PEBP1: variants seen among roughly 807,000 people sequenced by gnomAD.
PEBP1 encodes phosphatidylethanolamine-binding protein 1.
Under a neutral mutation model 22.7 loss-of-function variants are expected in PEBP1, and 17 were observed. That is an observed-to-expected ratio of 0.75 (90% confidence interval 0.51 to 1.12). PEBP1 has a LOEUF of 1.12. Ranked by LOEUF, PEBP1 falls within the 50% of genes most tolerant of loss-of-function variation. PEBP1 has a pLI of 0.00. For synonymous variants in PEBP1, 106 were observed against 104.3 expected (o/e 1.02, Z -0.10); for missense variants, 205 against 243.5 (o/e 0.84, Z 1.05).
At chr12:118,141,055 T>A (rs966780431) in intron 3 of PEBP1, among the ~76,000 whole-genome samples, 5 of 152,040 alleles carry the variant, frequency 3.3e-5, no homozygotes, top group African/African-American at 1.2e-4. Flanking sequence ...TGTGACCTTT[T>A]TACTTAAATT....
rs2034081805 is a variant in PEBP1, at chr12:118,138,033, A to G, written c.136-6A>G. ...TTTTTTACTGCAAACTGGTTCCTTC[A>G]TACAGGTTAAGAATAGACCCACCAG... On this transcript the variant is annotated splice_polypyrimidine_tract_variant and splice_region_variant and intron_variant, in intron 1 of 3. Transcript: ENST00000261313. 6.2e-7 allele frequency: 1 copy of G among 1,604,350 alleles called. No homozygotes were observed. The highest frequency in any genetic ancestry group is 8.5e-7 in the Non-Finnish European group (1 of 1,172,110).
At position 118,138,056 on chromosome 12, in the gene PEBP1, C is replaced by T; in HGVS notation, c.153C>T (p.Thr51=). 6.2e-7 allele frequency: 1 copy of T among 1,612,938 alleles called. No individual in the cohort carries two copies. Among genetic ancestry groups the T allele is most frequent in the Non-Finnish European group, 8.5e-7 (1 of 1,179,178 alleles). Residue 51 remains threonine (T), a synonymous_variant, in exon 2 of 4, where the codon ACC becomes ACT. Transcript: ENST00000261313. ...LTPTQVKNRP[T]SISWDGLDSG... is the part of the protein sequence containing the mutation. ...TCATACAGGTTAAGAATAGACCCAC[C>T]AGCATTTCGTGGGATGGTCTTGATT...
Position 118,136,367 on chromosome 12 carries a change from A to G in PEBP1, c.135+23A>G, listed in dbSNP as rs907856465. On this transcript the variant is annotated intron_variant, in intron 1 of 3. Coordinates refer to ENST00000261313, the MANE Select transcript of PEBP1 (RefSeq NM_002567.4). The surrounding 1 kb of genome is among the most constrained non-coding windows in gnomAD (Gnocchi z 5.6). ...CAGGTACACCGGGCGGCGGGCGTGC[A>G]GCGAGCGGCACGGCGCGGAGGCCTG... 1 of 1,533,360 alleles carries G rather than the reference A, an allele frequency of 6.5e-7. No individual in the cohort carries two copies. Among genetic ancestry groups the G allele is most frequent in the South Asian group, 1.2e-5 (1 of 83,186 alleles). The allele number at this position is 1,533,360 out of a possible 1,614,324, so 95.0% of individuals were successfully genotyped here.
intron 3 of PEBP1, among the ~76,000 whole-genome samples, chr12:118,143,735 AAAAAC>A (rs951330357): frequency 7.9e-5 from 12 of 152,106 alleles, no homozygotes; most frequent in Admixed American, 3.9e-4. Flanking sequence ...CTAAAAATAC[AAAAAC>A]AAAACAAAAC....
At chr12:118,143,666 G>A (rs1472453886) in intron 3 of PEBP1, among the ~76,000 whole-genome samples, 2 of 152,132 alleles carry the variant, frequency 1.3e-5, no homozygotes, top group Non-Finnish European at 2.9e-5. Context: ...TTGGGAGGGC[G>A]AGATGGGTGG....
intron 2 of PEBP1, 137 bp from the exon 3 acceptor site, chr12:118,139,311 CAAA>C (rs35893505): frequency 0.03 from 13,153 of 436,370 alleles, no homozygotes; most frequent in Middle Eastern, 0.054. Context: ...GACTCTGTCT[CAAA>C]AAAAAAAAAA....
intron 2 of PEBP1, chr12:118,139,122 G>A: frequency 3.2e-6 from 1 of 311,324 alleles, no homozygotes; most frequent in South Asian, 2.5e-5. Flanking sequence ...AGACCAGTCT[G>A]GCCAACATGG....
chr12:118,139,414 C>G (rs776586019), intron 2 of PEBP1, 37 bp from the exon 3 acceptor site: 1 of 1,429,750 alleles, frequency 7.0e-7, no homozygotes, highest in African/African-American at 1.4e-5. Flanking sequence ...GTTCCCTGAT[C>G]TCCTGTGGTG....
chr12:118,145,310 A>C lies in PEBP1; in HGVS notation c.*507A>C. 3.3e-6 allele frequency: 1 copy of C among 298,942 alleles called. No individual in the cohort carries two copies. The highest frequency in any genetic ancestry group is 3.0e-5 in the South Asian group (1 of 32,962). 18.5% of individuals were successfully genotyped at this position (298,942 alleles called of 1,614,324 possible). On this transcript the variant is annotated 3_prime_UTR_variant, in exon 4 of 4. Coordinates refer to ENST00000261313, the MANE Select transcript of PEBP1 (RefSeq NM_002567.4). Reference sequence around the variant, plus strand: ...TTGAGGCTAACCTCCAACACAGTGCATCTCAGATGCCTCAGTAGGCATCAG... The same window carrying C: ...TTGAGGCTAACCTCCAACACAGTGCCTCTCAGATGCCTCAGTAGGCATCAG...
Position 118,136,128 on chromosome 12 carries a change from T to G in PEBP1, c.-82T>G. The G allele has an allele frequency of 2.0e-6, 3 of 1,496,844 alleles. No individual in the cohort carries two copies. Among genetic ancestry groups the G allele is most frequent in the East Asian group, 2.5e-5 (1 of 40,080 alleles). 92.7% of individuals were successfully genotyped at this position (1,496,844 alleles called of 1,614,324 possible). On this transcript the variant is annotated 5_prime_UTR_variant, in exon 1 of 4. Transcript: ENST00000261313. This position sits in a 1 kb window ranked among gnomAD's most constrained non-coding sequence, Gnocchi z 5.6. ...GGGTCTGCGTCTTCCCGAGCCAGTG[T>G]GCTGAGCTCTCCGCGTCGCCTCTGT... is the stretch of plus-strand genomic sequence containing the variant.
At chr12:118,143,917 A>AC (rs935629592) in intron 3 of PEBP1, among the ~76,000 whole-genome samples, 3 of 151,682 alleles carry the variant, frequency 2.0e-5, no homozygotes, top group Non-Finnish European at 2.9e-5. Flanking sequence ...AAAAAAAAAA[A>AC]AAAACCCACT....
chr12:118,141,246 A>G (rs917608766), intron 3 of PEBP1, among the ~76,000 whole-genome samples: 2 of 151,806 alleles, frequency 1.3e-5, no homozygotes, highest in African/African-American at 4.8e-5. Context: ...CCTCCTGAGT[A>G]GCTGGGATGA....
At chr12:118,140,022 A>AT (rs2034101147) in intron 3 of PEBP1, among the ~76,000 whole-genome samples, 1 of 152,202 alleles carries the variant, frequency 6.6e-6, no homozygotes, top group African/African-American at 2.4e-5. Flanking sequence ...TTGAAAACAG[A>AT]TTTGGAAGAC....
intron 2 of PEBP1, chr12:118,139,199 G>C (rs776024907): frequency 1.4e-5 from 5 of 356,828 alleles, no homozygotes; most frequent in Non-Finnish European, 2.7e-5. Context: ...TGTAATCCCA[G>C]CTACTTGGGA....
chr12:118,138,366 A>G (rs140515601), intron 2 of PEBP1, among the ~76,000 whole-genome samples: 13 of 152,172 alleles, frequency 8.5e-5, no homozygotes, highest in East Asian at 1.9e-4. Flanking sequence ...ATACAGCCCC[A>G]TGAGCTAAGA....
Position 118,136,357 on chromosome 12 carries a change from G to A in PEBP1, c.135+13G>A. 1 of 1,537,372 alleles carries A rather than the reference G, an allele frequency of 6.5e-7. No homozygotes were observed. The highest frequency in any genetic ancestry group is 8.7e-7 in the Non-Finnish European group (1 of 1,145,188). On this transcript the variant is annotated intron_variant, in intron 1 of 3. Transcript: ENST00000261313. This position sits in a 1 kb window ranked among gnomAD's most constrained non-coding sequence, Gnocchi z 5.6. ...GACGCCCACCCAGGTACACCGGGCGGCGGGCGTGCAGCGAGCGGCACGGCG... is the reference window on the plus strand; with the variant it reads ...GACGCCCACCCAGGTACACCGGGCGACGGGCGTGCAGCGAGCGGCACGGCG...
intron 3 of PEBP1, among the ~76,000 whole-genome samples, chr12:118,140,632 C>T (rs531900113): frequency 2.8e-4 from 43 of 151,852 alleles, no homozygotes; most frequent in African/African-American, 6.8e-4. Flanking sequence ...TCCACCTCCC[C>T]GGTTCATGCC....
chr12:118,138,651 C>T lies in PEBP1; in HGVS notation c.245+503C>T, dbSNP rs550751767. 1.8e-3 allele frequency among the ~76,000 whole-genome samples: 269 copies of T among 152,232 alleles called. 2 individuals are homozygous for T. The highest frequency in any genetic ancestry group is 6.1e-3 in the African/African-American group (253 of 41,538). On this transcript the variant is annotated intron_variant, in intron 2 of 3. Transcript: ENST00000261313. ...CCTCAGGTGATCTGCCCGCCTCAGT[C>T]TCCCAAAGTGCTGGGATTACAGGTG...
intron 1 of PEBP1, among the ~76,000 whole-genome samples, chr12:118,137,227 C>T (rs1000559345): frequency 3.9e-5 from 6 of 152,154 alleles, no homozygotes; most frequent in Admixed American, 2.6e-4. Context: ...CGCTGTGATT[C>T]CGGACAGACA....
Sources: allele counts gnomAD v4.1 joint callset (sites outside exome capture counted in the v4.1 genomes callset), GRCh38; gene constraint gnomAD v4.1.1; non-coding constraint Gnocchi (gnomAD v3.1); transcripts MANE v1.5; gene names NCBI Gene and HGNC (gene_info 2026-07-23, HGNC 2026-07-21).